The following LARGE1 variants were observed in gnomAD, a reference collection of about 807,000 sequenced individuals.
LARGE1 encodes LARGE xylosyl- and glucuronyltransferase 1.
In LARGE1, 43 loss-of-function variants were observed where a neutral mutation model predicts 87.6. The ratio of observed to expected loss-of-function variants is 0.49; its 90% confidence interval spans 0.38 to 0.63. The LOEUF is 0.63. LARGE1 is among the 30% of genes least tolerant of loss of function. The pLI is 0.00. For missense variants in LARGE1, 802 were observed against 1,000.2 expected (o/e 0.80, Z 2.67); for synonymous variants, 434 against 394.6 (o/e 1.10, Z -1.18).
At chr22:33,467,232 G>A (rs2267213) in intron 6 of LARGE1, among the ~76,000 whole-genome samples, 24,987 of 152,046 alleles carry the variant, frequency 0.16, 2,381 homozygotes, top group East Asian at 0.28. Context: ...TACAAATTGT[G>A]ACCCTCAGCT....
At position 33,310,564 on chromosome 22, in the gene LARGE1, G is replaced by A. The variant is rs76398323; in HGVS notation, c.1451+5521C>T. Among the ~76,000 whole-genome samples the A allele has an allele frequency of 8.3e-3, 1,263 of 152,172 alleles. 14 individuals are homozygous for A. The highest frequency in any genetic ancestry group is 0.029 in the African/African-American group (1,190 of 41,520). On this transcript the variant is annotated intron_variant, in intron 11 of 14. Transcript: ENST00000397394. ...AGCTGCGTACGGGAGTGCGAAGGCC[G>A]GCTCTCCTAATTCGTTGTGGCATTC...
downstream of LARGE1, among the ~76,000 whole-genome samples, chr22:33,271,470 G>T (rs1928240617): frequency 6.6e-6 from 1 of 152,166 alleles, no homozygotes; most frequent in Non-Finnish European, 1.5e-5. Flanking sequence ...GCACATAGTG[G>T]TTACTGAAAA....
intron 7 of LARGE1, among the ~76,000 whole-genome samples, chr22:33,427,595 G>C (rs902589309): frequency 1.3e-5 from 2 of 152,256 alleles, no homozygotes; most frequent in Non-Finnish European, 2.9e-5. Context: ...GGTGGGATGA[G>C]TCAATGAATG....
chr22:33,597,422 C>A (rs906431124), intron 5 of LARGE1, among the ~76,000 whole-genome samples: 1 of 151,222 alleles, frequency 6.6e-6, no homozygotes, highest in Non-Finnish European at 1.5e-5. Context: ...GATAGGGTAG[C>A]AGCAGTTTAC....
chr22:33,701,849 G>A (rs1377333765), intron 2 of LARGE1, among the ~76,000 whole-genome samples: 1 of 152,216 alleles, frequency 6.6e-6, no homozygotes, highest in Non-Finnish European at 1.5e-5. Context: ...TGCTGCAAGT[G>A]GAATCCATGG....
intron 5 of LARGE1, among the ~76,000 whole-genome samples, chr22:33,594,757 C>T (rs557826227): frequency 6.6e-6 from 1 of 152,348 alleles, no homozygotes; most frequent in East Asian, 1.9e-4. Flanking sequence ...CAGGCACCCA[C>T]CACCATGCCC....
intron 1 of LARGE1, among the ~76,000 whole-genome samples, chr22:33,876,281 G>T (rs1199177353): frequency 6.6e-6 from 1 of 151,950 alleles, no homozygotes; most frequent in Non-Finnish European, 1.5e-5. Context: ...CAACCATTGG[G>T]ATTTGCTCAA....
the LARGE1 span, among the ~76,000 whole-genome samples, chr22:33,133,245 T>C: frequency 1.3e-5 from 2 of 152,302 alleles, no homozygotes; most frequent in East Asian, 1.9e-4. Flanking sequence ...TTTTGTTGCA[T>C]AGGTATACAC....
At chr22:33,448,967 T>C (rs2067801339) in intron 6 of LARGE1, among the ~76,000 whole-genome samples, 1 of 152,236 alleles carries the variant, frequency 6.6e-6, no homozygotes, top group African/African-American at 2.4e-5. Context: ...GTTGAGCTTA[T>C]TCTAGAATTT....
chr22:33,205,948 CTTT>C (rs386395258), intron 11 of LARGE1, among the ~76,000 whole-genome samples: 10 of 84,966 alleles, frequency 1.2e-4, no homozygotes, highest in East Asian at 3.1e-4. Flanking sequence ...CATGCTAATT[CTTT>C]TTTTTTTTTT....
At chr22:33,498,526 C>T (rs1009198423) in intron 6 of LARGE1, among the ~76,000 whole-genome samples, 3 of 152,188 alleles carry the variant, frequency 2.0e-5, no homozygotes, top group African/African-American at 7.2e-5. Flanking sequence ...CACTCAGATC[C>T]TACAACATAC....
At chr22:33,338,641 C>A (rs1055455450) in intron 9 of LARGE1, among the ~76,000 whole-genome samples, 1 of 152,104 alleles carries the variant, frequency 6.6e-6, no homozygotes, top group Admixed American at 6.5e-5. Context: ...GAAAAATAAA[C>A]AAGTTCATGC....
intron 1 of LARGE1, among the ~76,000 whole-genome samples, chr22:33,894,615 C>T (rs1466843831): frequency 2.6e-5 from 4 of 152,114 alleles, no homozygotes; most frequent in African/African-American, 7.2e-5. Flanking sequence ...GGCAGAAAAA[C>T]TACTGTGCTC....
chr22:33,444,558 A>T (rs999043087), intron 6 of LARGE1, among the ~76,000 whole-genome samples: 1 of 152,114 alleles, frequency 6.6e-6, no homozygotes, highest in African/African-American at 2.4e-5. Flanking sequence ...CTTAAGCCTG[A>T]TCCTTGGGCA....
chr22:33,854,489 T>A (rs116102413), intron 1 of LARGE1, among the ~76,000 whole-genome samples: 2,399 of 152,176 alleles, frequency 0.016, 62 homozygotes, highest in African/African-American at 0.054. Context: ...AAGTACAAGG[T>A]AAATCCCCCA....
chr22:33,630,068 G>A (rs868306317), intron 3 of LARGE1, among the ~76,000 whole-genome samples: 21 of 152,106 alleles, frequency 1.4e-4, no homozygotes, highest in Non-Finnish European at 2.5e-4. Flanking sequence ...GTGTGGTGGC[G>A]TGTGCCTATA....
At position 33,514,922 on chromosome 22, in the gene LARGE1, A is replaced by T. The variant is rs140219122; in HGVS notation, c.787+49926T>A. 5.9e-5 allele frequency among the ~76,000 whole-genome samples: 9 copies of T among 152,302 alleles called. No individual in the cohort carries two copies. In the East Asian group the frequency reaches 1.7e-3, roughly 29 times the overall value. ...GAGGCTGTCAATAACATGAACACAC[A>T]GCACTGTGTGAACAGCATGAACCAG... On this transcript the variant is annotated intron_variant, in intron 6 of 14. Coordinates refer to ENST00000397394, the MANE Select transcript of LARGE1 (RefSeq NM_133642.5).
intron 7 of LARGE1, among the ~76,000 whole-genome samples, chr22:33,429,603 G>T (rs1468826144): frequency 2.0e-5 from 3 of 152,158 alleles, no homozygotes; most frequent in Non-Finnish European, 4.4e-5. Flanking sequence ...GCAGGAAACC[G>T]TGATCTTGAT....
intron 1 of LARGE1, among the ~76,000 whole-genome samples, chr22:33,851,032 T>TG (rs2063569125): frequency 1.3e-5 from 2 of 152,224 alleles, no homozygotes; most frequent in East Asian, 3.8e-4. Flanking sequence ...GCACCTGGCT[T>TG]ATGGGTGAAA....
Sources: gnomAD v4.1 joint callset for allele counts (sites outside exome capture counted in the v4.1 genomes callset) on GRCh38, gnomAD v4.1.1 for gene constraint, MANE v1.5 for transcripts, NCBI Gene and HGNC (gene_info 2026-07-23, HGNC 2026-07-21) for gene names.